Variants in MTUS2 observed in about 807,000 individuals in gnomAD.
MTUS2 encodes microtubule associated scaffold protein 2, also known as microtubule-associated tumor suppressor candidate 2.
In MTUS2, 40 loss-of-function variants were observed where a neutral mutation model predicts 114.1. That is an observed-to-expected ratio of 0.35 (90% confidence interval 0.27 to 0.46). MTUS2 has a LOEUF of 0.46. Among genes scored for constraint, MTUS2 ranks in the 20% least tolerant of loss-of-function variants. The pLI is 1.00. For synonymous variants in MTUS2, 688 were observed against 672.0 expected (o/e 1.02, Z -0.37); for missense variants, 1,679 against 1,705.4 (o/e 0.98, Z 0.27).
At chr13:28,953,701 A>T (rs1247134784) in intron 2 of MTUS2, among the ~76,000 whole-genome samples, 2 of 152,292 alleles carry the variant, frequency 1.3e-5, no homozygotes, top group African/African-American at 4.8e-5. Context: ...ATGCATTCCT[A>T]GGTTGTACAT....
At chr13:29,450,374 C>A (rs1208506244) in intron 9 of MTUS2, among the ~76,000 whole-genome samples, 1 of 151,994 alleles carries the variant, frequency 6.6e-6, no homozygotes, top group Non-Finnish European at 1.5e-5. Flanking sequence ...GTAGTCCTGT[C>A]GTATGTAAGT....
chr13:29,444,755 G>C (rs534771998), intron 9 of MTUS2, among the ~76,000 whole-genome samples: 24 of 152,368 alleles, frequency 1.6e-4, no homozygotes, highest in African/African-American at 5.8e-4. Flanking sequence ...CAGGCCAAGG[G>C]AGAGTGGCAC....
intron 6 of MTUS2, among the ~76,000 whole-genome samples, chr13:29,310,244 A>G (rs1394637303): frequency 1.3e-5 from 2 of 152,224 alleles, no homozygotes; most frequent in Admixed American, 6.5e-5. Flanking sequence ...AAATGCTCAG[A>G]GAGTTCAAGT....
chr13:28,899,372 A>G (rs1879491657), intron 2 of MTUS2, among the ~76,000 whole-genome samples: 1 of 152,210 alleles, frequency 6.6e-6, no homozygotes, highest in Non-Finnish European at 1.5e-5. Flanking sequence ...CCAGCTGTTC[A>G]AATAAGGCAA....
Position 29,498,436 on chromosome 13 carries a change from C to G in MTUS2, c.3697C>G (p.Gln1233Glu), listed in dbSNP as rs768530951. The G allele has an allele frequency of 6.2e-7, 1 of 1,614,098 alleles. No homozygotes were observed. Among genetic ancestry groups the G allele is most frequent in the East Asian group, 2.2e-5 (1 of 44,878 alleles). The change falls in exon 14 of 16, where the codon CAG becomes GAG. Residue 1233 changes from glutamine to glutamate, a missense_variant. Gln to Glu is a conservative substitution (Grantham distance 29). Transcript: ENST00000612955. ...TCTGTAGATTGCATTGGCTCCTTAT[C>G]AGCACTTGGAAGAAGACATGAAGAG... ...EQLEIALAPY[Q>E]HLEEDMKSLK... is the part of the protein sequence containing the mutation.
chr13:28,830,390 C>T (rs1342824422), intron 1 of MTUS2, among the ~76,000 whole-genome samples: 1 of 151,692 alleles, frequency 6.6e-6, no homozygotes, highest in African/African-American at 2.4e-5. Flanking sequence ...GAAACCTTGT[C>T]TGAAGAATTA....
At chr13:29,444,550 T>C (rs1443540822) in intron 9 of MTUS2, among the ~76,000 whole-genome samples, 1 of 152,222 alleles carries the variant, frequency 6.6e-6, no homozygotes, top group African/African-American at 2.4e-5. Context: ...AGAATCAAAA[T>C]ATTTGAAGGT....
intron 5 of MTUS2, among the ~76,000 whole-genome samples, chr13:29,171,773 T>G (rs1893572046): frequency 1.3e-5 from 2 of 152,214 alleles, no homozygotes; most frequent in Non-Finnish European, 1.5e-5. Context: ...CAACTGTAGT[T>G]CAATGCTTCT....
intron 2 of MTUS2, among the ~76,000 whole-genome samples, chr13:29,017,619 A>G (rs963656196): frequency 3.3e-5 from 5 of 152,096 alleles, no homozygotes; most frequent in African/African-American, 4.8e-5. Flanking sequence ...TTACTTGGAT[A>G]TTCTGATATG....
intron 5 of MTUS2, among the ~76,000 whole-genome samples, chr13:29,166,436 C>G (rs1036612003): frequency 6.6e-6 from 1 of 152,204 alleles, no homozygotes; most frequent in Non-Finnish European, 1.5e-5. Flanking sequence ...TCCAGCAGCT[C>G]TAGACAGAAT....
At chr13:28,841,966 T>C (rs573372492) in intron 2 of MTUS2, among the ~76,000 whole-genome samples, 115 of 152,336 alleles carry the variant, frequency 7.5e-4, no homozygotes, top group African/African-American at 2.7e-3. Context: ...ATTACAGGCG[T>C]GAGCCACCGC....
intron 5 of MTUS2, among the ~76,000 whole-genome samples, chr13:29,135,092 C>T (rs1891924069): frequency 6.6e-6 from 1 of 152,212 alleles, no homozygotes. Flanking sequence ...GCAGTGAAAT[C>T]TCACACTGTC....
chr13:28,986,416 A>C (rs968643254), intron 2 of MTUS2, among the ~76,000 whole-genome samples: 11 of 152,186 alleles, frequency 7.2e-5, no homozygotes, highest in Non-Finnish European at 1.5e-4. Context: ...TTCAGAGCCC[A>C]GAGGGAAACG....
chr13:29,278,587 C>T (rs1044970667), intron 5 of MTUS2, among the ~76,000 whole-genome samples: 1 of 152,162 alleles, frequency 6.6e-6, no homozygotes, highest in Non-Finnish European at 1.5e-5. Flanking sequence ...AAAATTAAAA[C>T]AGTTGCCAAA....
intron 5 of MTUS2, among the ~76,000 whole-genome samples, chr13:29,177,556 T>C (rs1211444507): frequency 2.0e-5 from 3 of 152,148 alleles, no homozygotes; most frequent in Non-Finnish European, 4.4e-5. Context: ...AACCCTTCAC[T>C]AGTCGACACA....
chr13:29,309,768 CTTA>C (rs1294120024), intron 6 of MTUS2, among the ~76,000 whole-genome samples: 1 of 151,940 alleles, frequency 6.6e-6, no homozygotes, highest in African/African-American at 2.4e-5. Flanking sequence ...ATGCTAAGCA[CTTA>C]TTTTTAATTT....
intron 5 of MTUS2, among the ~76,000 whole-genome samples, chr13:29,107,076 C>T (rs1252879857): frequency 6.6e-6 from 1 of 152,160 alleles, no homozygotes; most frequent in African/African-American, 2.4e-5. Flanking sequence ...CTACCCGCAC[C>T]ACCTGCCATC....
At chr13:29,334,208 T>C (rs1900937458) in intron 7 of MTUS2, among the ~76,000 whole-genome samples, 1 of 152,198 alleles carries the variant, frequency 6.6e-6, no homozygotes, top group Admixed American at 6.5e-5. Context: ...CGTTTACATT[T>C]AAGGTTAATA....
rs918829997 is a variant in MTUS2, at chr13:29,466,686, A to G, written c.3185-13464A>G. Reference sequence around the variant, plus strand: ...GAGCTCAGGAGTTCGAGACCAGCATAGGCAACATGGTGAAACCCCATCTCT... The same window carrying G: ...GAGCTCAGGAGTTCGAGACCAGCATGGGCAACATGGTGAAACCCCATCTCT... On this transcript the variant is annotated intron_variant, in intron 9 of 15. Coordinates refer to ENST00000612955, the MANE Select transcript of MTUS2 (RefSeq NM_001033602.4). 6.6e-5 allele frequency among the ~76,000 whole-genome samples: 10 copies of G among 151,932 alleles called. No homozygotes were observed. In the East Asian group the frequency reaches 1.9e-3, roughly 29 times the overall value.
Sources: allele counts gnomAD v4.1 joint callset (sites outside exome capture counted in the v4.1 genomes callset), GRCh38; gene constraint gnomAD v4.1.1; transcripts MANE v1.5; gene names NCBI Gene and HGNC (gene_info 2026-07-23, HGNC 2026-07-21).